The following ZNF577 variants were observed in gnomAD, a reference collection of about 807,000 sequenced individuals.
ZNF577 encodes zinc finger protein 577.
ZNF577 carries 14 observed loss-of-function variants against 13.9 expected under a neutral mutation model. That is an observed-to-expected ratio of 1.00 (90% CI 0.66 to 1.57). ZNF577 has a LOEUF of 1.57. Among genes scored for constraint, ZNF577 ranks in the 40% most tolerant of loss-of-function variants. The pLI is 0.00. For synonymous variants in ZNF577, 203 were observed against 202.9 expected (o/e 1.00, Z 0.00); for missense variants, 555 against 579.2 (o/e 0.96, Z 0.43).
At chr19:51,843,432 C>T (rs1180837925) in intron 6 of ZNF577, 1 of 152,178 alleles carries the variant, frequency 6.6e-6, no homozygotes, top group Non-Finnish European at 1.5e-5. Flanking sequence ...CGAAGATTTT[C>T]CTGTGCCTAG....
At chr19:51,865,041 CT>C (rs2084545004), downstream of ZNF577, among the ~76,000 whole-genome samples, 1 of 152,204 alleles carries the variant, frequency 6.6e-6, no homozygotes, top group Non-Finnish European at 1.5e-5. Context: ...TGCTGTCACT[CT>C]GTTTCAGATT....
At chr19:51,857,358 G>A (rs1309288458) in intron 5 of ZNF577, among the ~76,000 whole-genome samples, 1 of 98,908 alleles carries the variant, frequency 1.0e-5, no homozygotes, top group Non-Finnish European at 1.9e-5. Flanking sequence ...GAGAAAGAAA[G>A]AAGGAAGGAA....
chr19:51,838,359 C>CTT (rs3059746), intron 9 of ZNF577, among the ~76,000 whole-genome samples: 58,232 of 150,966 alleles, frequency 0.39, 11,363 homozygotes, highest in South Asian at 0.48. Flanking sequence ...AAATGAAAGA[C>CTT]TGTCATTAGC....
At chr19:51,840,648 C>T (rs17757087) in intron 8 of ZNF577, 10,021 of 152,106 alleles carry the variant, frequency 0.066, 466 homozygotes, top group Non-Finnish European at 0.099. Context: ...GTATTCTGAA[C>T]AGTCATGTGA....
At chr19:51,876,378 C>T (rs949995893) in intron 5 of ZNF577, among the ~76,000 whole-genome samples, 4 of 151,602 alleles carry the variant, frequency 2.6e-5, no homozygotes, top group African/African-American at 7.3e-5. Flanking sequence ...TGCTACTTTG[C>T]GAGTCTCCAG....
At chr19:51,865,840 G>T (rs913561428), downstream of ZNF577, among the ~76,000 whole-genome samples, 4 of 152,084 alleles carry the variant, frequency 2.6e-5, 1 homozygote, top group South Asian at 6.2e-4. Context: ...TCACTGGCTG[G>T]GTGCGGTGGC....
chr19:51,805,158 C>T (rs1318839961), exon 11 of ZNF577: 1 of 152,170 alleles, frequency 6.6e-6, no homozygotes, highest in East Asian at 1.9e-4. Context: ...GCCTTCGGCT[C>T]CCTGCATATC....
chr19:51,822,301 G>C, intron 9 of ZNF577, among the ~76,000 whole-genome samples: 1 of 152,194 alleles, frequency 6.6e-6, no homozygotes, highest in South Asian at 2.1e-4. Context: ...CAAAGCAAAA[G>C]GAATTCTAGT....
intron 6 of ZNF577, chr19:51,844,620 AC>A (rs1474267420): frequency 6.6e-6 from 1 of 152,064 alleles, no homozygotes; most frequent in Non-Finnish European, 1.5e-5. Context: ...CTAACTGGCT[AC>A]TCTTGATCAT....
intron 5 of ZNF577, among the ~76,000 whole-genome samples, chr19:51,849,174 C>G (rs144888293): frequency 7.3e-4 from 111 of 152,288 alleles, no homozygotes; most frequent in African/African-American, 2.5e-3. Context: ...ATTACCTACT[C>G]TTCTCCAATG....
At chr19:51,845,323 G>A (rs1190529892) in intron 5 of ZNF577, among the ~76,000 whole-genome samples, 1 of 151,972 alleles carries the variant, frequency 6.6e-6, no homozygotes, top group Non-Finnish European at 1.5e-5. Context: ...GAGAAACCCG[G>A]TCACTACTAA....
chr19:51,825,288 G>A (rs528161170), intron 9 of ZNF577: 10 of 170,836 alleles, frequency 5.9e-5, no homozygotes, highest in South Asian at 2.0e-4. Context: ...GGCAAGGTAC[G>A]GGGTTCCACG....
At position 51,807,591 on chromosome 19, in the gene ZNF577, T is replaced by C. The variant is rs201003466; in HGVS notation, c.*818-2337A>G. ...AGATCCTTATTGTTTGAGTATGTTT[T>C]AGTCCATAGATGGCAGCATGACCTT... On this transcript the variant is annotated intron_variant and NMD_transcript_variant, in intron 10 of 10. Transcript: ENST00000638827. Among the ~76,000 whole-genome samples, 4 of 152,342 alleles carry C rather than the reference T, an allele frequency of 2.6e-5. No homozygotes were observed. The East Asian group carries it at 5.8e-4, about 22-fold the overall frequency.
intron 1 of ZNF577, among the ~76,000 whole-genome samples, chr19:51,882,026 T>C (rs1180453127): frequency 6.6e-6 from 1 of 152,142 alleles, no homozygotes; most frequent in Non-Finnish European, 1.5e-5. Flanking sequence ...CTGGTCAAGA[T>C]GCAAACCTCC....
Position 51,857,223 on chromosome 19 carries a change from C to T in ZNF577, c.284-12292G>A, listed in dbSNP as rs574758223. ...CTGAGGCAGGAGAATCGCTTGAACC[C>T]GGGAGGCGGAGGCTGCAGTGAACCG... is the stretch of plus-strand genomic sequence containing the variant. On this transcript the variant is annotated intron_variant and NMD_transcript_variant, in intron 5 of 10. Coordinates refer to the ZNF577 transcript ENST00000638827. Among the ~76,000 whole-genome samples the T allele has an allele frequency of 5.3e-5, 8 of 151,846 alleles. No homozygotes were observed. The South Asian group carries it at 1.3e-3, about 24-fold the overall frequency.
chr19:51,874,838 C>T (rs1031857234), intron 5 of ZNF577, among the ~76,000 whole-genome samples: 1 of 152,066 alleles, frequency 6.6e-6, no homozygotes, highest in Non-Finnish European at 1.5e-5. Flanking sequence ...AAAACAAGAA[C>T]ATAAGTATGG....
chr19:51,845,193 T>C (rs1334331748), intron 5 of ZNF577, among the ~76,000 whole-genome samples: 1 of 152,118 alleles, frequency 6.6e-6, no homozygotes, highest in Non-Finnish European at 1.5e-5. Context: ...TCTTAAGCAA[T>C]TTTCAAGAGT....
intron 2 of ZNF577, 61 bp downstream of exon 2, chr19:51,880,618 T>C: frequency 1.8e-6 from 1 of 558,272 alleles, no homozygotes; most frequent in East Asian, 3.0e-5. Flanking sequence ...CAGACTGTCT[T>C]TTACAAGCTT....
chr19:51,850,096 G>A (rs79723844), intron 5 of ZNF577, among the ~76,000 whole-genome samples: 10,143 of 152,236 alleles, frequency 0.067, 471 homozygotes, highest in Non-Finnish European at 0.099. Flanking sequence ...GGATTTTTGG[G>A]CGGTGGTGGA....
Sources: gnomAD v4.1 joint callset for allele counts (sites outside exome capture counted in the v4.1 genomes callset) on GRCh38, gnomAD v4.1.1 for gene constraint, MANE v1.5 for transcripts, NCBI Gene and HGNC (gene_info 2026-07-23, HGNC 2026-07-21) for gene names.